The following MAP2K2 variants were observed in gnomAD, a reference collection of about 807,000 sequenced individuals.
The protein encoded by MAP2K2 is dual specificity mitogen-activated protein kinase kinase 2.
MAP2K2 carries 24 observed loss-of-function variants against 43.7 expected under a neutral mutation model. The observed-to-expected ratio is 0.55, with a 90% CI of 0.40 to 0.77. The LOEUF is 0.77. MAP2K2 is among the 30% of genes least tolerant of loss of function. The pLI is 0.00. For synonymous variants in MAP2K2, 244 were observed against 239.7 expected (o/e 1.02, Z -0.17); for missense variants, 470 against 566.8 (o/e 0.83, Z 1.73).
Position 4,094,470 on chromosome 19 carries a change from C to T in MAP2K2, c.1075G>A (p.Asp359Asn). ...CLIKNPAERA[D>N]LKMLTNHTFI... The stretch of plus-strand genomic sequence containing the variant: ...TCACTCACTGTGAGCATCTTCAGGT[C>T]CGCCCGCTCCGCTGGGTTCTTGATG... Residue 359 changes from aspartate (D) to asparagine (N), a missense_variant, in exon 10 of 11, where the codon GAC becomes AAC. Asp to Asn is a conservative substitution (Grantham distance 23, BLOSUM62 1). Coordinates refer to ENST00000262948, the MANE Select transcript of MAP2K2 (RefSeq NM_030662.4). The T allele has an allele frequency of 4.5e-6, 7 of 1,567,074 alleles. No individual in the cohort carries two copies. Among genetic ancestry groups the T allele is most frequent in the South Asian group, 2.3e-5 (2 of 85,212 alleles).
chr19:4,096,005 C>G (rs2040912332), intron 8 of MAP2K2, among the ~76,000 whole-genome samples: 1 of 152,092 alleles, frequency 6.6e-6, no homozygotes. Context: ...GAACTCCTGA[C>G]CTCAGGTGAT....
At chr19:4,102,192 G>A (rs1250258239) in intron 4 of MAP2K2, among the ~76,000 whole-genome samples, 184 bp downstream of exon 4, 3 of 152,196 alleles carry the variant, frequency 2.0e-5, no homozygotes, top group Admixed American at 1.3e-4. Context: ...GGTGACCTCA[G>A]GCCCCAAAAG....
chr19:4,095,307 G>A (rs1052311586), intron 9 of MAP2K2, 81 bp downstream of exon 9: 2 of 1,307,728 alleles, frequency 1.5e-6, no homozygotes, highest in African/African-American at 2.9e-5. Context: ...GGCAGGCTGG[G>A]CCACGGGCCC....
At chr19:4,119,387 A>G (rs529989533) in intron 1 of MAP2K2, among the ~76,000 whole-genome samples, 34 of 152,072 alleles carry the variant, frequency 2.2e-4, no homozygotes, top group African/African-American at 7.5e-4. Context: ...ACGCCCAGCT[A>G]ATTTTTGTAT....
chr19:4,101,930 G>A lies in MAP2K2; in HGVS notation c.528+446C>T, dbSNP rs960048780. 6.6e-6 allele frequency among the ~76,000 whole-genome samples: 1 copy of A among 152,182 alleles called. No homozygotes were observed. Among genetic ancestry groups the A allele is most frequent in the Admixed American group, 6.5e-5 (1 of 15,276 alleles). Reference sequence around the variant, plus strand: ...TCTGCTGAAACCACACGGCTCTACGGAGCAGCTGTGCTGGAGACCGGGCAG... The same window carrying A: ...TCTGCTGAAACCACACGGCTCTACGAAGCAGCTGTGCTGGAGACCGGGCAG... On this transcript the variant is annotated intron_variant, in intron 4 of 10. Transcript: ENST00000262948. This position sits in a 1 kb window ranked among gnomAD's most constrained non-coding sequence, Gnocchi z 6.3.
At chr19:4,103,267 T>A (rs911569435) in intron 3 of MAP2K2, 1 of 984,780 alleles carries the variant, frequency 1.0e-6, no homozygotes, top group African/African-American at 1.7e-5. Flanking sequence ...CCCACATCCA[T>A]GTCATAAATG....
chr19:4,091,586 C>G (rs920307198), intron 10 of MAP2K2, among the ~76,000 whole-genome samples: 1 of 152,056 alleles, frequency 6.6e-6, no homozygotes, highest in African/African-American at 2.4e-5. Flanking sequence ...CTCCTGAACT[C>G]AAATGATCCT....
intron 10 of MAP2K2, among the ~76,000 whole-genome samples, chr19:4,093,804 C>A (rs1298833295): frequency 2.0e-5 from 3 of 152,128 alleles, no homozygotes; most frequent in Non-Finnish European, 4.4e-5. Context: ...AACGGGCTGT[C>A]TAGGGGGGTG....
At position 4,101,506 on chromosome 19, in the gene MAP2K2, G is replaced by A. The variant is rs944409864; in HGVS notation, c.529-226C>T. Among the ~76,000 whole-genome samples the A allele has an allele frequency of 5.3e-5, 8 of 152,206 alleles. No homozygotes were observed. The highest frequency in any genetic ancestry group is 1.9e-4 in the East Asian group (1 of 5,194). On this transcript the variant is annotated intron_variant, in intron 4 of 10. Transcript: ENST00000262948. The surrounding 1 kb of genome is among the most constrained non-coding windows in gnomAD (Gnocchi z 6.3). Reference sequence around the variant, plus strand: ...CAAGTCAACCCCGGTTCCCATGGCCGCAGTGCCGCCGATGCCACTACTGCC... The same window carrying A: ...CAAGTCAACCCCGGTTCCCATGGCCACAGTGCCGCCGATGCCACTACTGCC...
intron 1 of MAP2K2, among the ~76,000 whole-genome samples, chr19:4,123,496 A>C: frequency 6.9e-6 from 1 of 144,512 alleles, no homozygotes; most frequent in Non-Finnish European, 1.5e-5. Context: ...CCCCTCGCCC[A>C]ATCTCACTGC....
intron 10 of MAP2K2, 79 bp from the exon 11 acceptor site, chr19:4,090,787 G>A (rs2040847808): frequency 2.1e-6 from 2 of 953,676 alleles, no homozygotes; most frequent in East Asian, 2.6e-5. Flanking sequence ...GCCCAGCCCT[G>A]GCAGATGGTA....
rs779378237 is a variant in MAP2K2 at position 4,094,453 on chromosome 19, T to C, written c.1092A>G (p.Thr364=). 3 of 1,562,978 alleles carry C rather than the reference T, an allele frequency of 1.9e-6. No homozygotes were observed. The highest frequency in any genetic ancestry group is 1.2e-5 in the South Asian group (1 of 84,964). The part of the protein sequence containing the change: ...PAERADLKML[T]NHTFIKRSEV... ...CCCAGAACCCGCTGGCATCACTCAC[T>C]GTGAGCATCTTCAGGTCCGCCCGCT... Residue 364 remains threonine, a splice_region_variant and synonymous_variant, in exon 10 of 11, where the codon ACA becomes ACG. Coordinates refer to ENST00000262948, the MANE Select transcript of MAP2K2 (RefSeq NM_030662.4).
intron 10 of MAP2K2, among the ~76,000 whole-genome samples, chr19:4,091,973 C>G (rs1195017581): frequency 1.3e-5 from 2 of 152,142 alleles, no homozygotes. Context: ...TCAACAGCCA[C>G]GTGTGACCAG....
chr19:4,103,817 C>T (rs1023724043), intron 3 of MAP2K2, among the ~76,000 whole-genome samples: 2 of 152,196 alleles, frequency 1.3e-5, no homozygotes, highest in East Asian at 1.9e-4. Context: ...AGGCTGAAGA[C>T]GCAGACACAC....
At chr19:4,102,295 T>C (rs1021938987) in intron 4 of MAP2K2, 81 bp downstream of exon 4, 1 of 1,241,566 alleles carries the variant, frequency 8.1e-7, no homozygotes, top group East Asian at 2.5e-5. Context: ...ACACTGTGAG[T>C]GGCTCCCGGA....
At chr19:4,102,116 G>A (rs540196852) in intron 4 of MAP2K2, among the ~76,000 whole-genome samples, 1 of 152,270 alleles carries the variant, frequency 6.6e-6, no homozygotes, top group African/African-American at 2.4e-5. Context: ...GGGCAGAGGG[G>A]ACCAGTGTGG....
chr19:4,110,576 G>A lies in MAP2K2; in HGVS notation c.383C>T (p.Pro128Leu), dbSNP rs267607230. 2.5e-6 allele frequency: 4 copies of A among 1,613,994 alleles called. No individual in the cohort carries two copies. The highest frequency in any genetic ancestry group is 2.2e-5 in the East Asian group (1 of 44,880). The change falls in exon 3 of 11, where the codon CCG becomes CTG. Residue 128 changes from proline (P) to leucine (L), a missense_variant. By Grantham distance (98) the Pro-to-Leu change is moderately conservative. This residue lies in a region of MAP2K2 where 200 missense variants were observed against 297.9 expected (regional missense o/e 0.67). Transcript: ENST00000262948. ...GGCCCCGTAGAAGCCCACGATGTACGGCGAGTTGCATTCGTGCAGGACCTG... is the reference window on the plus strand; with the variant it reads ...GGCCCCGTAGAAGCCCACGATGTACAGCGAGTTGCATTCGTGCAGGACCTG... ...ELQVLHECNS[P>L]YIVGFYGAFY... is the part of the protein sequence containing the mutation.
intron 2 of MAP2K2, among the ~76,000 whole-genome samples, chr19:4,113,545 G>A (rs1024074102): frequency 1.1e-4 from 16 of 152,156 alleles, no homozygotes; most frequent in Non-Finnish European, 1.9e-4. Context: ...CGGAGCCTCG[G>A]AGCCATGTTC....
intron 3 of MAP2K2, chr19:4,102,661 C>T: frequency 1.0e-6 from 1 of 996,692 alleles, no homozygotes; most frequent in South Asian, 1.5e-5. Context: ...GGGGAAGGAA[C>T]AGGGCCCAGG....
Sources: gnomAD v4.1 joint callset for allele counts (sites outside exome capture counted in the v4.1 genomes callset) on GRCh38, gnomAD v4.1.1 for gene constraint, gnomAD v4.1.1 regional missense constraint, Gnocchi (gnomAD v3.1) non-coding constraint, MANE v1.5 for transcripts, NCBI Gene and HGNC (gene_info 2026-07-23, HGNC 2026-07-21) for gene names.